ACSM3: variants seen among roughly 807,000 people sequenced by gnomAD.
ACSM3 encodes acyl-CoA synthetase medium chain family member 3, also known as acyl-coenzyme A synthetase ACSM3, mitochondrial.
A neutral mutation model predicts 74.1 loss-of-function variants in ACSM3; 61 were observed. The ratio of observed to expected loss-of-function variants is 0.82; its 90% CI spans 0.67 to 1.02. ACSM3 has a LOEUF of 1.02. Among genes scored for constraint, ACSM3 ranks in the 50% least tolerant of loss-of-function variants. The probability of loss-of-function intolerance (pLI) is 0.00; values close to 1 mark genes in which losing one functional copy is unlikely to be tolerated. For missense variants in ACSM3, 660 were observed against 697.0 expected, an observed-to-expected ratio of 0.95 and a Z score of 0.60; for synonymous variants, 213 against 241.5, an observed-to-expected ratio of 0.88 and a Z score of 1.09.
intron 1 of ACSM3, chr16:20,742,019 T>A (rs538506319): frequency 6.8e-7 from 1 of 1,462,034 alleles, no homozygotes; most frequent in East Asian, 2.7e-5. Flanking sequence ...TGTCGGTGGC[T>A]CCTCAAGCCC....
chr16:20,705,707 A>C (rs529328516), intron 1 of ACSM3, among the ~76,000 whole-genome samples: 2 of 152,228 alleles, frequency 1.3e-5, no homozygotes, highest in Admixed American at 1.3e-4. Context: ...TACTAGATAC[A>C]CAAAGACACA....
intron 4 of ACSM3, chr16:20,780,204 T>G: frequency 5.5e-6 from 1 of 183,116 alleles, no homozygotes; most frequent in Non-Finnish European, 1.2e-5. Context: ...GAATGGGCAA[T>G]AACATTTTAT....
Position 20,792,303 on chromosome 16 carries a change from G to T in ACSM3, c.1522G>T (p.Val508Phe). 2.5e-6 allele frequency: 4 copies of T among 1,614,114 alleles called. No individual in the cohort carries two copies. Among genetic ancestry groups the T allele is most frequent in the Non-Finnish European group, 3.4e-6 (4 of 1,179,952 alleles). Residue 508 changes from valine (V) to phenylalanine (F), a missense_variant, in exon 12 of 14, where the codon GTT becomes TTT. Transcript: ENST00000289416. ...ACACCCTTCAGTTGCAGAGTCAGCT[G>T]TTGTCAGCAGCCCAGACCCCATCAG... ...NEHPSVAESAVVSSPDPIRGE... is the reference protein window; with the variant it reads ...NEHPSVAESAFVSSPDPIRGE...
chr16:20,710,625 G>A (rs1567321265), intron 1 of ACSM3, among the ~76,000 whole-genome samples: 1 of 152,084 alleles, frequency 6.6e-6, no homozygotes, highest in Non-Finnish European at 1.5e-5. Context: ...GATTACAGGT[G>A]TGAGCCAACA....
intron 1 of ACSM3, among the ~76,000 whole-genome samples, chr16:20,731,944 G>T (rs1005209725): frequency 2.0e-5 from 3 of 152,182 alleles, no homozygotes; most frequent in African/African-American, 7.2e-5. Flanking sequence ...CTGCAATACT[G>T]AATCACTACT....
At chr16:20,724,190 T>C (rs1162450001) in intron 1 of ACSM3, among the ~76,000 whole-genome samples, 3 of 152,164 alleles carry the variant, frequency 2.0e-5, no homozygotes, top group Non-Finnish European at 2.9e-5. Flanking sequence ...CAGGTAGTTG[T>C]AGATATTCAT....
intron 1 of ACSM3, chr16:20,742,026 G>A: frequency 6.9e-7 from 1 of 1,445,104 alleles, no homozygotes; most frequent in Non-Finnish European, 9.1e-7. Context: ...GGCTCCTCAA[G>A]CCCTTGAAGC....
chr16:20,761,228 C>G (rs1362742850), upstream of ACSM3, among the ~76,000 whole-genome samples: 1 of 152,192 alleles, frequency 6.6e-6, no homozygotes, highest in Non-Finnish European at 1.5e-5. Context: ...TCTGCCTCAG[C>G]CTCCTCAGCA....
intron 1 of ACSM3, among the ~76,000 whole-genome samples, chr16:20,718,004 A>AGAAGAAGAG (rs2079770891): frequency 6.7e-6 from 1 of 149,946 alleles, no homozygotes; most frequent in African/African-American, 2.5e-5. Flanking sequence ...AAGAAGAAGA[A>AGAAGAAGAG]GAAGAAGAAG....
Position 20,792,298 on chromosome 16 carries a change from C to T in ACSM3, c.1517C>T (p.Ser506Leu), listed in dbSNP as rs1009275621. 3 of 1,613,950 alleles carry T rather than the reference C, an allele frequency of 1.9e-6. No individual in the cohort carries two copies. The highest frequency in any genetic ancestry group is 1.7e-6 in the Non-Finnish European group (2 of 1,179,958). The stretch of plus-strand genomic sequence containing the variant: ...AATGAACACCCTTCAGTTGCAGAGT[C>T]AGCTGTTGTCAGCAGCCCAGACCCC... ...ALNEHPSVAE[S>L]AVVSSPDPIR... The change falls in exon 12 of 14, where the codon TCA becomes TTA. Residue 506 changes from serine (S) to leucine (L), a missense_variant. Coordinates refer to ENST00000289416, the MANE Select transcript of ACSM3 (RefSeq NM_005622.4).
chr16:20,676,863 T>C (rs939010845), intron 1 of ACSM3, among the ~76,000 whole-genome samples: 1 of 151,856 alleles, frequency 6.6e-6, no homozygotes, highest in Non-Finnish European at 1.5e-5. Context: ...GTCAAGGCCA[T>C]GGTATAAAAA....
chr16:20,765,475 G>GT (rs2080115803), intron 1 of ACSM3, among the ~76,000 whole-genome samples: 2 of 152,152 alleles, frequency 1.3e-5, no homozygotes, highest in South Asian at 4.1e-4. Context: ...TGAATGTGGT[G>GT]TAGAGTATTG....
intron 1 of ACSM3, chr16:20,741,481 G>GGGGGGGGGGGCCCCCCCCCCCC: frequency 7.6e-7 from 1 of 1,308,406 alleles, no homozygotes; most frequent in Non-Finnish European, 9.9e-7. Context: ...CTGGCAGCCG[G>GGGGGGGGGGGCCCCCCCCCCCC]CCCGCCCGCC....
intron 2 of ACSM3, among the ~76,000 whole-genome samples, chr16:20,752,676 C>A (rs541856150): frequency 4.2e-4 from 64 of 152,192 alleles, no homozygotes; most frequent in African/African-American, 1.5e-3. Context: ...GAGAAGAAAA[C>A]CTGATCTATT....
chr16:20,699,087 C>A (rs11859792), intron 1 of ACSM3, among the ~76,000 whole-genome samples: 7,318 of 152,206 alleles, frequency 0.048, 596 homozygotes, highest in African/African-American at 0.17. Flanking sequence ...TTGGGTGAAC[C>A]ATTTTCCTTT....
chr16:20,735,927 T>C (rs2079865090), intron 1 of ACSM3: 1 of 152,030 alleles, frequency 6.6e-6, no homozygotes, highest in African/African-American at 2.4e-5. Flanking sequence ...ACCATGCATA[T>C]TTTCCTTTCC....
chr16:20,786,039 A>C, intron 8 of ACSM3, 39 bp from the exon 9 acceptor site: 1 of 1,365,364 alleles, frequency 7.3e-7, no homozygotes, highest in South Asian at 1.4e-5. Flanking sequence ...ATTTTAAGTG[A>C]CTTGTAATGT....
At chr16:20,743,459 G>GATGC (rs1390569981) in intron 1 of ACSM3, among the ~76,000 whole-genome samples, 1 of 152,078 alleles carries the variant, frequency 6.6e-6, no homozygotes, top group African/African-American at 2.4e-5. Context: ...AATCATTGAA[G>GATGC]ATGCCACTTT....
At position 20,796,449 on chromosome 16, in the gene ACSM3, A is replaced by C. The variant is rs13306608; in HGVS notation, c.1634A>C (p.His545Pro). The C allele has an allele frequency of 1.2e-6, 2 of 1,613,862 alleles. No individual in the cohort carries two copies. The highest frequency in any genetic ancestry group is 2.2e-5 in the East Asian group (1 of 44,870). Reference protein sequence around the residue: ...QEQLIKEIQEHVKKTTAPYKY... With the variant: ...QEQLIKEIQEPVKKTTAPYKY... ...CAACTAATAAAGGAGATTCAGGAGC[A>C]TGTTAAAAAAACTACAGCACCTTAC... The change falls in exon 13 of 14, where the codon CAT becomes CCT. Residue 545 changes from histidine to proline, a missense_variant. Transcript: ENST00000289416.
Sources: allele counts gnomAD v4.1 joint callset (sites outside exome capture counted in the v4.1 genomes callset), GRCh38; gene constraint gnomAD v4.1.1; transcripts MANE v1.5; gene names NCBI Gene and HGNC (gene_info 2026-07-23, HGNC 2026-07-21).